Variants in SGCZ observed in about 807,000 individuals in gnomAD.
The protein encoded by SGCZ is zeta-sarcoglycan.
A neutral mutation model predicts 41.3 loss-of-function variants in SGCZ; 40 were observed. That is an observed-to-expected ratio of 0.97 (90% confidence interval 0.75 to 1.26). The LOEUF is 1.26. Ranked by LOEUF, SGCZ falls within the 50% of genes most tolerant of loss-of-function variation. SGCZ has a pLI of 0.00. For missense variants in SGCZ, 552 were observed against 369.8 expected (o/e 1.49, Z -4.04); for synonymous variants, 206 against 137.5 (o/e 1.50, Z -3.49).
chr8:15,198,818 C>T (rs1022908951), intron 1 of SGCZ, among the ~76,000 whole-genome samples: 2 of 152,146 alleles, frequency 1.3e-5, no homozygotes, highest in Admixed American at 6.5e-5. Context: ...CTTCAAGCCT[C>T]ATGTGACTCT....
intron 2 of SGCZ, among the ~76,000 whole-genome samples, chr8:14,516,713 G>A (rs566069633): frequency 2.0e-4 from 30 of 152,116 alleles, no homozygotes; most frequent in African/African-American, 7.2e-4. Context: ...CTTGTTCACC[G>A]TTGACATGCG....
intron 2 of SGCZ, among the ~76,000 whole-genome samples, chr8:14,409,085 C>G (rs928870919): frequency 3.3e-5 from 5 of 151,802 alleles, no homozygotes; most frequent in Non-Finnish European, 7.4e-5. Flanking sequence ...TTAGCAAATG[C>G]TAAGTTCTCA....
At chr8:15,135,510 T>C (rs2116983283) in intron 1 of SGCZ, among the ~76,000 whole-genome samples, 1 of 152,350 alleles carries the variant, frequency 6.6e-6, no homozygotes, top group South Asian at 2.1e-4. Context: ...TAGAAATCTC[T>C]ACATGCTGTT....
At chr8:15,165,065 G>A (rs775453359) in intron 1 of SGCZ, among the ~76,000 whole-genome samples, 1 of 152,128 alleles carries the variant, frequency 6.6e-6, no homozygotes, top group Non-Finnish European at 1.5e-5. Flanking sequence ...GCCCAGGTGG[G>A]CAGATCACGA....
At chr8:14,276,993 C>T (rs1230010950) in intron 3 of SGCZ, among the ~76,000 whole-genome samples, 1 of 152,186 alleles carries the variant, frequency 6.6e-6, no homozygotes, top group Non-Finnish European at 1.5e-5. Context: ...CTCAGACCTG[C>T]TCCCACACTG....
chr8:14,387,011 C>A (rs985971849), intron 2 of SGCZ, among the ~76,000 whole-genome samples: 1 of 152,138 alleles, frequency 6.6e-6, no homozygotes, highest in African/African-American at 2.4e-5. Context: ...AAGTAAAGTA[C>A]TTACTGAGGA....
chr8:15,007,119 G>C (rs984292735), intron 1 of SGCZ, among the ~76,000 whole-genome samples: 11 of 152,270 alleles, frequency 7.2e-5, no homozygotes, highest in Middle Eastern at 3.4e-3. Context: ...TGACAGACAA[G>C]TAATTAGCTG....
intron 2 of SGCZ, among the ~76,000 whole-genome samples, chr8:14,400,996 T>C (rs1799055955): frequency 6.6e-6 from 1 of 152,090 alleles, no homozygotes; most frequent in Non-Finnish European, 1.5e-5. Flanking sequence ...TAACAATCAG[T>C]GGAACATGGT....
chr8:14,562,947 C>T (rs1222681486), intron 1 of SGCZ, among the ~76,000 whole-genome samples: 2 of 152,170 alleles, frequency 1.3e-5, no homozygotes, highest in Non-Finnish European at 2.9e-5. Flanking sequence ...ACCCAGTCAA[C>T]TGGGCTACCC....
chr8:14,841,994 A>C (rs1055191973), intron 1 of SGCZ, among the ~76,000 whole-genome samples: 1 of 152,200 alleles, frequency 6.6e-6, no homozygotes, highest in Non-Finnish European at 1.5e-5. Context: ...GGGTATAAGT[A>C]TGTGTGGACT....
intron 2 of SGCZ, among the ~76,000 whole-genome samples, chr8:14,370,241 G>A (rs1384399505): frequency 2.6e-5 from 4 of 151,880 alleles, no homozygotes; most frequent in Non-Finnish European, 4.4e-5. Context: ...GAATAATAGA[G>A]TACAGTACTC....
intron 3 of SGCZ, among the ~76,000 whole-genome samples, chr8:14,297,936 C>T (rs930574717): frequency 1.3e-5 from 2 of 151,030 alleles, no homozygotes; most frequent in African/African-American, 2.4e-5. Context: ...AAAAGTCTTA[C>T]AATAAAATGA....
At chr8:14,892,682 T>G (rs1425500106) in intron 1 of SGCZ, among the ~76,000 whole-genome samples, 1 of 152,106 alleles carries the variant, frequency 6.6e-6, no homozygotes, top group African/African-American at 2.4e-5. Context: ...TCCATGGAAC[T>G]AAGTAAATAA....
intron 5 of SGCZ, among the ~76,000 whole-genome samples, chr8:14,143,677 C>A (rs1480355575): frequency 6.6e-6 from 1 of 152,124 alleles, no homozygotes; most frequent in African/African-American, 2.4e-5. Flanking sequence ...AACCAAAAAT[C>A]ATATGAGCAC....
intron 1 of SGCZ, among the ~76,000 whole-genome samples, chr8:14,669,744 A>C (rs1372003881): frequency 6.6e-6 from 1 of 151,566 alleles, no homozygotes; most frequent in Non-Finnish European, 1.5e-5. Context: ...TATTTTGTTC[A>C]TTCATTCAAC....
chr8:14,955,271 T>C (rs1465507225), intron 1 of SGCZ, among the ~76,000 whole-genome samples: 2 of 152,204 alleles, frequency 1.3e-5, no homozygotes, highest in Admixed American at 6.5e-5. Flanking sequence ...TCCATGTTGA[T>C]GTGTGTAGCT....
chr8:14,147,724 T>C (rs991821685), intron 5 of SGCZ, among the ~76,000 whole-genome samples: 11 of 152,190 alleles, frequency 7.2e-5, no homozygotes, highest in African/African-American at 2.7e-4. Flanking sequence ...CAGATATTTA[T>C]AGAACATTTC....
chr8:14,272,887 A>C (rs1585306519), intron 3 of SGCZ, among the ~76,000 whole-genome samples: 1 of 152,338 alleles, frequency 6.6e-6, no homozygotes, highest in Admixed American at 6.5e-5. Context: ...TTTTTATATT[A>C]GAAATGACTT....
chr8:14,180,053 A>G (rs532033820), intron 4 of SGCZ, among the ~76,000 whole-genome samples: 1 of 152,272 alleles, frequency 6.6e-6, no homozygotes, highest in East Asian at 1.9e-4. Context: ...ATAACCAATG[A>G]GAATGGTACC....
Sources: gnomAD v4.1 joint callset for allele counts (sites outside exome capture counted in the v4.1 genomes callset) on GRCh38, gnomAD v4.1.1 for gene constraint, MANE v1.5 for transcripts, NCBI Gene and HGNC (gene_info 2026-07-23, HGNC 2026-07-21) for gene names.